The following MRPS35 variants were observed in gnomAD, a reference collection of about 807,000 sequenced individuals.
The protein encoded by MRPS35 is mitochondrial ribosomal protein S35, also known as small ribosomal subunit protein mS35.
A neutral mutation model predicts 32.7 loss-of-function variants in MRPS35; 29 were observed. That is an observed-to-expected ratio of 0.89 (90% confidence interval 0.66 to 1.21). MRPS35 has a LOEUF of 1.21. Among genes scored for constraint, MRPS35 ranks in the 50% most tolerant of loss-of-function variants. The pLI is 0.00. For synonymous variants in MRPS35, 148 were observed against 139.3 expected (o/e 1.06, Z -0.44); for missense variants, 373 against 383.8 (o/e 0.97, Z 0.23).
At position 27,724,116 on chromosome 12, in the gene MRPS35, T is replaced by C. The variant is rs1198902648; in HGVS notation, c.452T>C (p.Ile151Thr). The C allele has an allele frequency of 1.9e-6, 3 of 1,613,446 alleles. No homozygotes were observed. In the African/African-American group the frequency reaches 4.0e-5, roughly 22 times the overall value. Residue 151 changes from isoleucine (I) to threonine (T), a missense_variant, in exon 5 of 8, where the codon ATT becomes ACT. Physicochemically the swap from Ile to Thr is moderately conservative, Grantham distance 89. Coordinates refer to ENST00000081029, the MANE Select transcript of MRPS35 (RefSeq NM_021821.4). ...TGTGAGAAGCATTTTCCAATTGAAA[T>C]TGACAGCACTGATTATGTTTCATCA... ...EKCEKHFPIE[I>T]DSTDYVSSGP...
intron 7 of MRPS35, among the ~76,000 whole-genome samples, chr12:27,753,990 A>T (rs11049116): frequency 0.5 from 75,979 of 152,100 alleles, 19,063 homozygotes; most frequent in Admixed American, 0.59. Context: ...GTGGTGGCTT[A>T]TGCCTGTAAT....
At chr12:27,726,835 C>A (rs186401536) in intron 5 of MRPS35, among the ~76,000 whole-genome samples, 1 of 151,720 alleles carries the variant, frequency 6.6e-6, no homozygotes, top group Non-Finnish European at 1.5e-5. Flanking sequence ...GTTTATCTTT[C>A]GATTGTTGAG....
chr12:27,730,162 C>A (rs1294930769), intron 5 of MRPS35, among the ~76,000 whole-genome samples: 1 of 151,932 alleles, frequency 6.6e-6, no homozygotes, highest in Admixed American at 6.6e-5. Flanking sequence ...TATTAAAGTC[C>A]CTACTTTGTT....
intron 7 of MRPS35, among the ~76,000 whole-genome samples, chr12:27,744,817 G>A (rs938608223): frequency 6.6e-6 from 1 of 152,118 alleles, no homozygotes; most frequent in African/African-American, 2.4e-5. Flanking sequence ...TCTAAAAAGT[G>A]GACCTGTGAT....
intron 1 of MRPS35, among the ~76,000 whole-genome samples, chr12:27,713,047 T>G (rs1210508594): frequency 1.3e-5 from 2 of 152,188 alleles, no homozygotes; most frequent in Non-Finnish European, 2.9e-5. Flanking sequence ...AAGGATGCAT[T>G]ATAGTTAAGA....
Position 27,755,268 on chromosome 12 carries a change from GA to G in MRPS35, c.793del (p.Thr265ArgfsTer5). ...ENSSSERNIL[E>X]TLLQMKAAEK... ...TAGCTCATCAGAAAGAAATATCCTG[GA>G]AACGCTTCTCCAGATGAAAGCTGCT... On this transcript the variant is annotated frameshift_variant, in exon 8 of 8. Coordinates refer to ENST00000081029, the MANE Select transcript of MRPS35 (RefSeq NM_021821.4). LOFTEE classifies it low-confidence loss of function (END_TRUNC). 6.2e-7 allele frequency: 1 copy of G among 1,612,886 alleles called. No homozygotes were observed. Among genetic ancestry groups the G allele is most frequent in the Non-Finnish European group, 8.5e-7 (1 of 1,179,774 alleles).
At chr12:27,719,147 G>A (rs936702154) in intron 3 of MRPS35, among the ~76,000 whole-genome samples, 4 of 152,068 alleles carry the variant, frequency 2.6e-5, no homozygotes, top group South Asian at 2.1e-4. Flanking sequence ...TTTTATAAAG[G>A]AAATATACAT....
chr12:27,716,552 G>C lies in MRPS35; in HGVS notation c.321+94G>C. On this transcript the variant is annotated intron_variant, in intron 3 of 7. Coordinates refer to ENST00000081029, the MANE Select transcript of MRPS35 (RefSeq NM_021821.4). ...CTGCTCTCTTATGCTTCACCGTTCA[G>C]TGTATAGCAGCTTAGTGTATTTTAA... The C allele has an allele frequency of 9.4e-6, 11 of 1,167,352 alleles. No individual in the cohort carries two copies. The South Asian group carries it at 1.4e-4, about 15-fold the overall frequency. 72.3% of individuals were successfully genotyped at this position (1,167,352 alleles called of 1,614,324 possible).
chr12:27,729,234 T>A (rs2061911867), intron 5 of MRPS35, among the ~76,000 whole-genome samples: 1 of 152,084 alleles, frequency 6.6e-6, no homozygotes, highest in African/African-American at 2.4e-5. Context: ...TCAGGCTCAT[T>A]TTTATAAATT....
At chr12:27,741,923 C>T (rs938135675) in intron 7 of MRPS35, among the ~76,000 whole-genome samples, 1 of 152,082 alleles carries the variant, frequency 6.6e-6, no homozygotes, top group African/African-American at 2.4e-5. Context: ...ATTGTCAGAA[C>T]TATGTCTAGC....
Position 27,710,864 on chromosome 12 carries a change from A to C in MRPS35, c.21A>C (p.Pro7=). 3 of 1,609,614 alleles carry C rather than the reference A, an allele frequency of 1.9e-6. No individual in the cohort carries two copies. The highest frequency in any genetic ancestry group is 2.5e-6 in the Non-Finnish European group (3 of 1,179,734). Residue 7 remains proline (P), a synonymous_variant, in exon 1 of 8, where the codon CCA becomes CCC. Coordinates refer to ENST00000081029, the MANE Select transcript of MRPS35 (RefSeq NM_021821.4). ...CAGCCATGGCGGCCGCCGCGCTCCCAGCATGGCTGTCTCTGCAGTCGAGGG... is the reference window on the plus strand; with the variant it reads ...CAGCCATGGCGGCCGCCGCGCTCCCCGCATGGCTGTCTCTGCAGTCGAGGG... The part of the protein sequence containing the change: MAAAAL[P]AWLSLQSRAR...
intron 4 of MRPS35, among the ~76,000 whole-genome samples, chr12:27,722,513 AT>A (rs202117644): frequency 0.058 from 8,489 of 147,128 alleles, 293 homozygotes; most frequent in East Asian, 0.13. Flanking sequence ...ACTTATTCAC[AT>A]TTTTTTTTTT....
intron 7 of MRPS35, among the ~76,000 whole-genome samples, chr12:27,739,358 G>C (rs562434098): frequency 3.2e-4 from 48 of 152,306 alleles, no homozygotes; most frequent in African/African-American, 1.1e-3. Context: ...CCTCCTTTCA[G>C]CCCAAGTTAC....
rs191359011 is a variant in MRPS35, at chr12:27,751,506, A to G, written c.703-3675A>G. ...CTCTCTTATGAACAGCTTTTCTTAC[A>G]CTGTCCACCTTTATCTCGGCGGTTT... is the stretch of plus-strand genomic sequence containing the variant. On this transcript the variant is annotated intron_variant, in intron 7 of 7. Coordinates refer to ENST00000081029, the MANE Select transcript of MRPS35 (RefSeq NM_021821.4). Among the ~76,000 whole-genome samples the G allele has an allele frequency of 3.3e-5, 5 of 152,066 alleles. No individual in the cohort carries two copies. The East Asian group carries it at 5.8e-4, about 18-fold the overall frequency.
chr12:27,714,929 A>C, intron 2 of MRPS35, 109 bp downstream of exon 2: 11 of 909,738 alleles, frequency 1.2e-5, no homozygotes, highest in African/African-American at 1.7e-5. Flanking sequence ...TCACAAGGTC[A>C]TGTTTACTGG....
intron 7 of MRPS35, among the ~76,000 whole-genome samples, chr12:27,742,352 A>ATGT (rs1207120607): frequency 6.6e-6 from 1 of 152,222 alleles, no homozygotes; most frequent in Non-Finnish European, 1.5e-5. Context: ...TGTACAAGAT[A>ATGT]TGTTGCTAGG....
chr12:27,745,759 C>T (rs1270156668), intron 7 of MRPS35, among the ~76,000 whole-genome samples: 5 of 150,252 alleles, frequency 3.3e-5, no homozygotes, highest in Non-Finnish European at 7.4e-5. Context: ...TGTTCCCTTT[C>T]CTGTGTCCCT....
chr12:27,753,586 G>A (rs1024458376), intron 7 of MRPS35, among the ~76,000 whole-genome samples: 1 of 152,098 alleles, frequency 6.6e-6, no homozygotes, highest in African/African-American at 2.4e-5. Context: ...TCTAGAGGTA[G>A]AATAGTATTT....
intron 1 of MRPS35, 72 bp from the exon 2 acceptor site, chr12:27,714,708 A>G (rs573036119): frequency 1.8e-6 from 2 of 1,108,190 alleles, no homozygotes; most frequent in South Asian, 1.3e-5. Context: ...TAATGGGATC[A>G]TGATTGATGT....
Sources: gnomAD v4.1 joint callset for allele counts (sites outside exome capture counted in the v4.1 genomes callset) on GRCh38, gnomAD v4.1.1 for gene constraint, MANE v1.5 for transcripts, NCBI Gene and HGNC (gene_info 2026-07-23, HGNC 2026-07-21) for gene names.